Variants in PTCH1 observed in about 807,000 individuals in gnomAD.
PTCH1 encodes protein patched homolog 1.
In PTCH1, 14 loss-of-function variants were observed where a neutral mutation model predicts 144.6. The observed-to-expected ratio is 0.10, with a 90% CI of 0.06 to 0.15. PTCH1 has a LOEUF of 0.15. PTCH1 is among the 10% of genes least tolerant of loss of function. The probability of loss-of-function intolerance (pLI) is 1.00; values close to 1 mark genes in which losing one functional copy is unlikely to be tolerated. For synonymous variants in PTCH1, 833 were observed against 793.6 expected, an observed-to-expected ratio of 1.05 and a Z score of -0.83; for missense variants, 1,623 against 1,948.3, an observed-to-expected ratio of 0.83 and a Z score of 3.14.
At chr9:95,505,077 C>A (rs1843458495) in intron 2 of PTCH1, among the ~76,000 whole-genome samples, 1 of 152,142 alleles carries the variant, frequency 6.6e-6, no homozygotes, top group Non-Finnish European at 1.5e-5. Flanking sequence ...AATGTTTTGT[C>A]TTAATTATGT....
rs1841026018 is a variant in PTCH1, at chr9:95,476,232, G to A, written c.1603-73C>T. ...CCTTGGAGCACAGACTGTGTGAGCA[G>A]ATACGTGGCAGAATAACACAACTGT... On this transcript the variant is annotated intron_variant, in intron 11 of 23. Transcript: ENST00000331920. The surrounding 1 kb of genome is among the most constrained non-coding windows in gnomAD (Gnocchi z 4.6). 1.3e-6 allele frequency: 2 copies of A among 1,561,882 alleles called. No individual in the cohort carries two copies. The highest frequency in any genetic ancestry group is 1.7e-6 in the Non-Finnish European group (2 of 1,156,036).
At chr9:95,468,076 C>G (rs1425040832) in intron 14 of PTCH1, among the ~76,000 whole-genome samples, 1 of 152,016 alleles carries the variant, frequency 6.6e-6, no homozygotes, top group Non-Finnish European at 1.5e-5. Flanking sequence ...CTTTTTTCCC[C>G]CTCTCTTTTG....
At chr9:95,515,816 C>T (rs995308136) in intron 1 of PTCH1, among the ~76,000 whole-genome samples, 2 of 152,222 alleles carry the variant, frequency 1.3e-5, no homozygotes, top group African/African-American at 2.4e-5. Flanking sequence ...GGCCCTTTTC[C>T]CGCAGCATGG....
chr9:95,458,371 T>C lies in PTCH1; in HGVS notation c.2888-78A>G. On this transcript the variant is annotated intron_variant, in intron 17 of 23. Coordinates refer to ENST00000331920, the MANE Select transcript of PTCH1 (RefSeq NM_000264.5). This position sits in a 1 kb window ranked among gnomAD's most constrained non-coding sequence, Gnocchi z 4.7. Reference sequence around the variant, plus strand: ...AGTTTCAATGGAAAGAGAGAAGAACTTTGCATGAAAGCTTACTGACTGCTC... The same window carrying C: ...AGTTTCAATGGAAAGAGAGAAGAACCTTGCATGAAAGCTTACTGACTGCTC... 2.6e-6 allele frequency: 4 copies of C among 1,532,644 alleles called. No homozygotes were observed. The highest frequency in any genetic ancestry group is 3.6e-6 in the Non-Finnish European group (4 of 1,126,736). The allele number at this position is 1,532,644 out of a possible 1,614,324, so 94.9% of individuals were successfully genotyped here.
At chr9:95,487,001 G>A (rs963119222) in intron 2 of PTCH1, among the ~76,000 whole-genome samples, 1 of 152,202 alleles carries the variant, frequency 6.6e-6, no homozygotes, top group African/African-American at 2.4e-5. Context: ...AGTGATCATA[G>A]CTTTCCCACG....
At chr9:95,498,920 T>C (rs1842962470) in intron 2 of PTCH1, among the ~76,000 whole-genome samples, 1 of 152,182 alleles carries the variant, frequency 6.6e-6, no homozygotes, top group Non-Finnish European at 1.5e-5. Context: ...GGCCAAAATC[T>C]GGATAAGGAA....
At chr9:95,483,554 T>A (rs191704767) in intron 3 of PTCH1, 1 of 152,596 alleles carries the variant, frequency 6.6e-6, no homozygotes, top group East Asian at 1.9e-4. Flanking sequence ...CAGCGCCCTG[T>A]TGAAATGTCA....
At position 95,478,154 on chromosome 9, in the gene PTCH1, A is replaced by C. The variant is rs863224345; in HGVS notation, c.1248T>G (p.Thr416=). 9 of 1,614,056 alleles carry C rather than the reference A, an allele frequency of 5.6e-6. No individual in the cohort carries two copies. The highest frequency in any genetic ancestry group is 7.6e-6 in the Non-Finnish European group (9 of 1,180,042). The change falls in exon 9 of 24, where the codon ACT becomes ACG. Residue 416 remains threonine (T), a synonymous_variant. Coordinates refer to ENST00000331920, the MANE Select transcript of PTCH1 (RefSeq NM_000264.5). Reference sequence around the variant, plus strand: ...TGGTGGTGAAGGAAAGCACCTTTTGAGTGGAGTTCTGTGCGACACTCTGAT... The same window carrying C: ...TGGTGGTGAAGGAAAGCACCTTTTGCGTGGAGTTCTGTGCGACACTCTGAT... The part of the protein sequence containing the change: ...VVHQSVAQNS[T]QKVLSFTTTT...
At chr9:95,452,085 A>G (rs9632897) in intron 20 of PTCH1, 25,565 of 152,092 alleles carry the variant, frequency 0.17, 2,918 homozygotes, top group Non-Finnish European at 0.24. Flanking sequence ...TCCTCAGCAC[A>G]TCGGTGTGAG....
chr9:95,460,897 T>TCTGCTGC (rs1455366745), intron 16 of PTCH1, among the ~76,000 whole-genome samples: 2 of 152,190 alleles, frequency 1.3e-5, no homozygotes, highest in African/African-American at 4.8e-5. Context: ...AACGTGATGG[T>TCTGCTGC]CTGCTGCCTG....
chr9:95,491,939 A>G (rs1426786882), intron 2 of PTCH1, among the ~76,000 whole-genome samples: 1 of 152,248 alleles, frequency 6.6e-6, no homozygotes, highest in Non-Finnish European at 1.5e-5. Flanking sequence ...GGGCTTATTG[A>G]AAACTAACGC....
intron 2 of PTCH1, chr9:95,503,155 A>G (rs1384517890): frequency 6.6e-6 from 1 of 152,238 alleles, no homozygotes; most frequent in African/African-American, 2.4e-5. Context: ...GTTGATGCCC[A>G]GTTCATATAA....
intron 9 of PTCH1, 108 bp from the exon 10 acceptor site, chr9:95,477,810 C>A: frequency 6.6e-7 from 1 of 1,509,722 alleles, no homozygotes; most frequent in Non-Finnish European, 9.0e-7. Flanking sequence ...CAGAACTTAT[C>A]CAACAACAAC....
Position 95,476,091 on chromosome 9 carries a change from T to G in PTCH1, c.1671A>C (p.Thr557=). The G allele has an allele frequency of 6.2e-7, 1 of 1,614,002 alleles. No individual in the cohort carries two copies. Among genetic ancestry groups the G allele is most frequent in the Non-Finnish European group, 8.5e-7 (1 of 1,179,950 alleles). The stretch of plus-strand genomic sequence containing the variant: ...GGATTAACGCGGCCATGAAGAAGGC[T>G]GTGACATTGCTGATGGACGTGAGGG... ...SVALTSISNV[T]AFFMAALIPI... The change falls in exon 12 of 24, where the codon ACA becomes ACC. Residue 557 remains threonine (T), a synonymous_variant. Transcript: ENST00000331920. This position sits in a 1 kb window ranked among gnomAD's most constrained non-coding sequence, Gnocchi z 4.6.
At chr9:95,466,909 T>C (rs1276128585) in intron 15 of PTCH1, among the ~76,000 whole-genome samples, 1 of 152,234 alleles carries the variant, frequency 6.6e-6, no homozygotes, top group African/African-American at 2.4e-5. Context: ...CTCATCTGAA[T>C]TATCTGCATC....
At position 95,447,269 on chromosome 9, in the gene PTCH1, C is replaced by T. The variant is rs539319573; in HGVS notation, c.3987G>A (p.Gly1329=). ...GGGCCCTATTGCTAGGGCCAGAATG[C>T]CCTTCAGTAGAAATTTCAAAAGCGT... ...RRDAFEISTE[G]HSGPSNRARW... Residue 1329 remains glycine (G), a synonymous_variant, in exon 23 of 24, where the codon GGG becomes GGA. Coordinates refer to ENST00000331920, the MANE Select transcript of PTCH1 (RefSeq NM_000264.5). The T allele has an allele frequency of 2.5e-6, 4 of 1,613,012 alleles. No homozygotes were observed. The East Asian group carries it at 6.7e-5, about 27-fold the overall frequency.
At chr9:95,505,686 G>A (rs1186601322) in intron 2 of PTCH1, among the ~76,000 whole-genome samples, 5 of 126,064 alleles carry the variant, frequency 4.0e-5, no homozygotes, top group African/African-American at 6.2e-5. Context: ...CATGTAAAAA[G>A]CCCCCACCCG....
chr9:95,448,038 A>G (rs928900854), intron 22 of PTCH1, among the ~76,000 whole-genome samples: 1 of 152,158 alleles, frequency 6.6e-6, no homozygotes. Context: ...GTCACTGCGG[A>G]GGGCTGTGGC....
rs59101053 is a variant in PTCH1 at position 95,494,438 on chromosome 9, C to G, written c.395-8564G>C. 7,832 of 985,486 alleles carry G rather than the reference C, an allele frequency of 7.9e-3. 436 individuals carry two copies. In the African/African-American group the frequency reaches 0.12, roughly 15 times the overall value. 61.0% of individuals were successfully genotyped at this position (985,486 alleles called of 1,614,324 possible). On this transcript the variant is annotated intron_variant, in intron 2 of 23. Transcript: ENST00000331920. Reference sequence around the variant, plus strand: ...GCCACACTGGCAAATGAGGGCTGTGCACCGCGCCACCTGAGACAGGCCCAA... The same window carrying G: ...GCCACACTGGCAAATGAGGGCTGTGGACCGCGCCACCTGAGACAGGCCCAA...
Sources: allele counts gnomAD v4.1 joint callset (sites outside exome capture counted in the v4.1 genomes callset), GRCh38; gene constraint gnomAD v4.1.1; non-coding constraint Gnocchi (gnomAD v3.1); transcripts MANE v1.5; gene names NCBI Gene and HGNC (gene_info 2026-07-23, HGNC 2026-07-21).